GLMN: variants seen among roughly 807,000 people sequenced by gnomAD.
GLMN encodes glomulin, FKBP associated protein.
A neutral mutation model predicts 87.8 loss-of-function variants in GLMN; 75 were observed. The ratio of observed to expected loss-of-function variants is 0.85; its 90% CI spans 0.71 to 1.04. The LOEUF is 1.04. GLMN is among the 50% of genes least tolerant of loss of function. GLMN has a pLI of 0.00. For missense variants in GLMN, 588 were observed against 658.8 expected (o/e 0.89, Z 1.18); for synonymous variants, 206 against 221.6 (o/e 0.93, Z 0.63).
the GLMN span, chr1:92,324,429 C>A: frequency 2.3e-6 from 3 of 1,300,180 alleles, no homozygotes; most frequent in African/African-American, 1.5e-5. Flanking sequence ...GGAAAACTCA[C>A]CACAGCAAAT....
chr1:92,248,870 AG>A (rs1653040362), intron 16 of GLMN, among the ~76,000 whole-genome samples: 1 of 152,152 alleles, frequency 6.6e-6, no homozygotes, highest in Non-Finnish European at 1.5e-5. Flanking sequence ...CTATACTAAT[AG>A]GAAAAGTAGA....
chr1:92,347,800 C>T, the GLMN span, among the ~76,000 whole-genome samples: 2 of 152,096 alleles, frequency 1.3e-5, no homozygotes, highest in African/African-American at 2.4e-5. Flanking sequence ...TGTAGGGAAC[C>T]TCTTATTTCA....
At chr1:92,246,999 G>T in intron 18 of GLMN, 63 bp downstream of exon 18, 1 of 896,616 alleles carries the variant, frequency 1.1e-6, no homozygotes, top group South Asian at 1.3e-5. Flanking sequence ...CTCCAGCTTG[G>T]GCAAGATAGC....
At chr1:92,263,284 G>A (rs998491175) in intron 15 of GLMN, among the ~76,000 whole-genome samples, 6 of 151,856 alleles carry the variant, frequency 4.0e-5, no homozygotes, top group African/African-American at 1.5e-4. Context: ...AAAATGACCT[G>A]GAAAACAATA....
intron 13 of GLMN, among the ~76,000 whole-genome samples, chr1:92,265,123 G>A (rs1030935236): frequency 1.3e-5 from 2 of 152,174 alleles, no homozygotes; most frequent in Non-Finnish European, 2.9e-5. Context: ...TTACAGGCAT[G>A]AGCCACCACA....
At chr1:92,367,244 C>CGT in the GLMN span, among the ~76,000 whole-genome samples, 2 of 152,138 alleles carry the variant, frequency 1.3e-5, no homozygotes, top group Non-Finnish European at 2.9e-5. Flanking sequence ...CAAATATAAC[C>CGT]GTATAGCCTC....
At chr1:92,330,811 T>C in the GLMN span, among the ~76,000 whole-genome samples, 1 of 152,200 alleles carries the variant, frequency 6.6e-6, no homozygotes, top group African/African-American at 2.4e-5. Context: ...CACACAAAGA[T>C]AGACTAATAC....
At chr1:92,308,808 A>G in the GLMN span, among the ~76,000 whole-genome samples, 5 of 152,130 alleles carry the variant, frequency 3.3e-5, no homozygotes, top group Non-Finnish European at 7.4e-5. Context: ...AAAAATACAA[A>G]AATTAATTGG....
At chr1:92,249,126 G>C (rs1360878463) in intron 16 of GLMN, among the ~76,000 whole-genome samples, 1 of 151,666 alleles carries the variant, frequency 6.6e-6, no homozygotes, top group Non-Finnish European at 1.5e-5. Flanking sequence ...TTGGTGAATG[G>C]GAAAAAAGGT....
chr1:92,319,047 AAG>A, the GLMN span, among the ~76,000 whole-genome samples: 46 of 152,316 alleles, frequency 3.0e-4, no homozygotes, highest in African/African-American at 1.0e-3. Flanking sequence ...TGCTTTAAAA[AAG>A]AGAAAAAAGG....
At chr1:92,354,890 A>AATTATTATT in the GLMN span, among the ~76,000 whole-genome samples, 26 of 147,684 alleles carry the variant, frequency 1.8e-4, no homozygotes, top group African/African-American at 3.2e-4. Flanking sequence ...AATTTATGTA[A>AATTATTATT]ATTATTATTA....
At chr1:92,267,452 C>T (rs1655762501) in intron 11 of GLMN, among the ~76,000 whole-genome samples, 1 of 152,082 alleles carries the variant, frequency 6.6e-6, no homozygotes, top group South Asian at 2.1e-4. Context: ...ACCTGTAATC[C>T]CAGCACTTTG....
chr1:92,260,607 T>G (rs1374366840), intron 16 of GLMN, among the ~76,000 whole-genome samples: 1 of 150,540 alleles, frequency 6.6e-6, no homozygotes, highest in Non-Finnish European at 1.5e-5. Context: ...AGAGTGAGAC[T>G]CCATCTCAAG....
At chr1:92,363,871 T>C in the GLMN span, 5 of 171,042 alleles carry the variant, frequency 2.9e-5, no homozygotes, top group Admixed American at 3.0e-4. Flanking sequence ...ATGCATTATG[T>C]AATATTTATT....
chr1:92,305,463 AAG>A, the GLMN span, among the ~76,000 whole-genome samples: 1 of 147,790 alleles, frequency 6.8e-6, no homozygotes, highest in East Asian at 2.0e-4. Context: ...ACAATATGGG[AAG>A]ATATAAACTT....
At position 92,292,442 on chromosome 1, in the gene GLMN, G is replaced by A. The variant is rs1055433646; in HGVS notation, c.166-905C>T. On this transcript the variant is annotated intron_variant, in intron 3 of 18. Transcript: ENST00000370360. ...TTTATTTATTTTGAAACTGAGTCTC[G>A]CTCTGTCGCCCAGGCTGGAGTGCAG... 1.1e-4 allele frequency among the ~76,000 whole-genome samples: 17 copies of A among 151,874 alleles called. 1 individual carries two copies. The highest frequency in any genetic ancestry group is 1.9e-4 in the African/African-American group (8 of 41,436).
the GLMN span, among the ~76,000 whole-genome samples, chr1:92,338,100 A>G: frequency 2.6e-5 from 4 of 152,168 alleles, no homozygotes; most frequent in South Asian, 2.1e-4. Flanking sequence ...TTATTGTGGT[A>G]TTTTACACTT....
chr1:92,288,490 C>A (rs1453464371), intron 6 of GLMN, among the ~76,000 whole-genome samples: 2 of 152,004 alleles, frequency 1.3e-5, no homozygotes, highest in African/African-American at 2.4e-5. Flanking sequence ...GTACAGTGGC[C>A]AATCATCATT....
At chr1:92,341,430 A>G in the GLMN span, among the ~76,000 whole-genome samples, 2 of 152,216 alleles carry the variant, frequency 1.3e-5, no homozygotes, top group African/African-American at 4.8e-5. Flanking sequence ...TGGCTCAACA[A>G]TAGGAAAAAT....
Sources: gnomAD v4.1 joint callset for allele counts (sites outside exome capture counted in the v4.1 genomes callset) on GRCh38, gnomAD v4.1.1 for gene constraint, MANE v1.5 for transcripts, NCBI Gene and HGNC (gene_info 2026-07-23, HGNC 2026-07-21) for gene names.